KCNMA1: variants seen among roughly 807,000 people sequenced by gnomAD.
The protein encoded by KCNMA1 is Calcium-activated potassium channel subunit alpha-1.
KCNMA1 carries 29 observed loss-of-function variants against 140.0 expected under a neutral mutation model. The ratio of observed to expected loss-of-function variants is 0.21; its 90% CI spans 0.15 to 0.28. The LOEUF (loss-of-function observed/expected upper bound fraction) is 0.28. KCNMA1 is among the 10% of genes least tolerant of loss of function. The pLI is 1.00. For synonymous variants in KCNMA1, 612 were observed against 611.9 expected (o/e 1.00, Z 0.00); for missense variants, 880 against 1,602.2 (o/e 0.55, Z 7.70).
intron 3 of KCNMA1, among the ~76,000 whole-genome samples, chr10:77,196,356 G>A (rs976335306): frequency 6.6e-5 from 10 of 152,152 alleles, no homozygotes; most frequent in South Asian, 2.1e-4. Context: ...AGAATCAGAT[G>A]TTTCCTTCGC....
intron 5 of KCNMA1, among the ~76,000 whole-genome samples, chr10:77,148,598 C>T (rs2098357877): frequency 6.6e-6 from 1 of 152,142 alleles, no homozygotes; most frequent in Non-Finnish European, 1.5e-5. Context: ...TAAATTAGCA[C>T]CAGGATCAAC....
intron 2 of KCNMA1, among the ~76,000 whole-genome samples, chr10:77,305,890 T>C (rs1367680800): frequency 6.6e-6 from 1 of 152,186 alleles, no homozygotes; most frequent in Non-Finnish European, 1.5e-5. Flanking sequence ...GCCCATAAAA[T>C]GACATCATGG....
chr10:77,390,887 A>G (rs2154442902), intron 2 of KCNMA1, among the ~76,000 whole-genome samples: 1 of 152,196 alleles, frequency 6.6e-6, no homozygotes, highest in Non-Finnish European at 1.5e-5. Context: ...TAGTGTAAGC[A>G]AAGGCTGCAT....
At chr10:77,107,723 C>T (rs1212014686) in intron 9 of KCNMA1, among the ~76,000 whole-genome samples, 1 of 152,226 alleles carries the variant, frequency 6.6e-6, no homozygotes, top group East Asian at 1.9e-4. Context: ...GTACCCTAAA[C>T]TACCAGAAAT....
At position 77,030,636 on chromosome 10, in the gene KCNMA1, G is replaced by A. The variant is rs968147335; in HGVS notation, c.1860-2745C>T. On this transcript the variant is annotated intron_variant, in intron 15 of 27. Transcript: ENST00000286628. The stretch of plus-strand genomic sequence containing the variant: ...GTAAGAAGGGAAGTAACAGTTCGTA[G>A]TAATGGTGAATTATGTCTTCCTAGC... Among the ~76,000 whole-genome samples the A allele has an allele frequency of 3.3e-5, 5 of 152,156 alleles. No individual in the cohort carries two copies. In the South Asian group the frequency reaches 1.0e-3, roughly 32 times the overall value.
At chr10:77,079,719 A>G in intron 12 of KCNMA1, 169 bp from the exon 13 acceptor site, 1 of 661,148 alleles carries the variant, frequency 1.5e-6, no homozygotes, top group East Asian at 2.8e-5. Flanking sequence ...GACTAGCTGA[A>G]ACAGGGATGG....
intron 5 of KCNMA1, 54 bp from the exon 6 acceptor site, chr10:77,121,102 T>C (rs2097581656): frequency 8.8e-7 from 1 of 1,133,196 alleles, no homozygotes; most frequent in East Asian, 2.3e-5. Flanking sequence ...GATTTTAATG[T>C]TCACAGTCTG....
chr10:77,478,756 A>G (rs2098328324), intron 1 of KCNMA1, among the ~76,000 whole-genome samples: 1 of 152,232 alleles, frequency 6.6e-6, no homozygotes, highest in Non-Finnish European at 1.5e-5. Context: ...AAATAAACCA[A>G]TGAGGTAATG....
chr10:77,409,233 G>A (rs563017442), intron 1 of KCNMA1, among the ~76,000 whole-genome samples: 100 of 152,286 alleles, frequency 6.6e-4, no homozygotes, highest in Non-Finnish European at 1.1e-3. Flanking sequence ...CATCTGATGC[G>A]TTTGGGCATT....
At chr10:77,320,194 G>GAAGAATTCTGGGGA in intron 2 of KCNMA1, among the ~76,000 whole-genome samples, 1 of 152,310 alleles carries the variant, frequency 6.6e-6, no homozygotes, top group Non-Finnish European at 1.5e-5. Flanking sequence ...AAATGGTGGA[G>GAAGAATTCTGGGGA]AAGAATTCTG....
At chr10:76,951,834 TCCCCCAGC>T (rs1309323229) in intron 21 of KCNMA1, among the ~76,000 whole-genome samples, 1 of 151,848 alleles carries the variant, frequency 6.6e-6, no homozygotes, top group African/African-American at 2.4e-5. Context: ...TAACTCCTCT[TCCCCCAGC>T]CCCACCCTGC....
chr10:77,063,994 C>T lies in KCNMA1; in HGVS notation c.1749+9103G>A, dbSNP rs893974964. 29 of 985,380 alleles carry T rather than the reference C, an allele frequency of 2.9e-5. No homozygotes were observed. In the East Asian group the frequency reaches 8.0e-4, roughly 27 times the overall value. 61.0% of individuals were successfully genotyped at this position (985,380 alleles called of 1,614,324 possible). ...TGAGTGTCAGCTTCTACTGGATTTT[C>T]GCATTAAGTCCTGACCATTGCCGCT... On this transcript the variant is annotated intron_variant, in intron 14 of 27. Transcript: ENST00000286628.
chr10:77,468,292 A>G lies in KCNMA1; in HGVS notation c.379-64269T>C, dbSNP rs116040150. 5.2e-3 allele frequency among the ~76,000 whole-genome samples: 799 copies of G among 152,320 alleles called. 14 individuals carry two copies. The highest frequency in any genetic ancestry group is 0.018 in the African/African-American group (746 of 41,576). On this transcript the variant is annotated intron_variant, in intron 1 of 27. Coordinates refer to ENST00000286628, the MANE Select transcript of KCNMA1 (RefSeq NM_001161352.2). ...GGATTCTGGAGTCAGAATGCCTGCC[A>G]TCTTCTCCTATAGCTCTGTGTCTAC...
exon 30 of KCNMA1, chr10:76,877,865 C>A: frequency 6.2e-7 from 1 of 1,610,464 alleles, no homozygotes; most frequent in Non-Finnish European, 8.5e-7. Flanking sequence ...AGGCATTATC[C>A]GGTTCATCTG....
chr10:77,204,904 C>G (rs2043585358), intron 3 of KCNMA1, among the ~76,000 whole-genome samples: 1 of 152,174 alleles, frequency 6.6e-6, no homozygotes, highest in Non-Finnish European at 1.5e-5. Flanking sequence ...AAGAAGCTGA[C>G]TCACCAAAGA....
intron 3 of KCNMA1, among the ~76,000 whole-genome samples, chr10:77,209,598 T>C (rs1309936712): frequency 2.0e-5 from 3 of 152,152 alleles, no homozygotes; most frequent in African/African-American, 4.8e-5. Flanking sequence ...CCTTTTTTCA[T>C]ATAACATATC....
At chr10:77,473,017 G>A (rs530937165) in intron 1 of KCNMA1, among the ~76,000 whole-genome samples, 47 of 152,368 alleles carry the variant, frequency 3.1e-4, no homozygotes, top group Admixed American at 9.1e-4. Flanking sequence ...CCAGGGTGCT[G>A]TACCCTAACC....
chr10:77,478,533 C>G (rs993991789), intron 1 of KCNMA1, among the ~76,000 whole-genome samples: 2 of 152,194 alleles, frequency 1.3e-5, no homozygotes, highest in Admixed American at 1.3e-4. Flanking sequence ...TAGAAACCAT[C>G]TAGTGACTAA....
intron 23 of KCNMA1, among the ~76,000 whole-genome samples, chr10:76,919,439 A>G (rs2054392778): frequency 1.3e-5 from 2 of 151,956 alleles, no homozygotes; most frequent in African/African-American, 4.9e-5. Context: ...TTATTCATTC[A>G]GCATGAGACA....
Sources: gnomAD v4.1 joint callset for allele counts (sites outside exome capture counted in the v4.1 genomes callset) on GRCh38, gnomAD v4.1.1 for gene constraint, MANE v1.5 for transcripts, NCBI Gene and HGNC (gene_info 2026-07-23, HGNC 2026-07-21) for gene names.